MTCL3: variants seen among roughly 807,000 people sequenced by gnomAD.
The protein encoded by MTCL3 is MTCL family member 3, also known as microtubule cross-linking factor 3.
the MTCL3 span, among the ~76,000 whole-genome samples, chr6:127,510,151 A>G: frequency 6.6e-6 from 1 of 152,286 alleles, no homozygotes; most frequent in South Asian, 2.1e-4. Context: ...ATTACTTTAA[A>G]GGCTGATGTT....
chr6:127,493,967 T>C, the MTCL3 span, among the ~76,000 whole-genome samples: 1 of 152,180 alleles, frequency 6.6e-6, no homozygotes, highest in East Asian at 1.9e-4. Flanking sequence ...AATGAGTCAA[T>C]TTGTAGAGCA....
the MTCL3 span, chr6:127,514,836 T>C: frequency 6.2e-7 from 1 of 1,612,350 alleles, no homozygotes; most frequent in Non-Finnish European, 8.5e-7. Context: ...GAGGTCCTGC[T>C]CCAGGCTGCG....
the MTCL3 span, among the ~76,000 whole-genome samples, chr6:127,491,121 A>G: frequency 2.6e-4 from 40 of 152,244 alleles, no homozygotes; most frequent in Non-Finnish European, 5.1e-4. Flanking sequence ...TGTGAAGATG[A>G]TATGAACTTT....
At chr6:127,519,116 G>A in the MTCL3 span, 6 of 152,242 alleles carry the variant, frequency 3.9e-5, no homozygotes, top group African/African-American at 1.2e-4. Flanking sequence ...TGGAAGATTG[G>A]CAGCAGCGCT....
At chr6:127,485,159 G>A in the MTCL3 span, among the ~76,000 whole-genome samples, 787 of 152,278 alleles carry the variant, frequency 5.2e-3, 6 homozygotes, top group African/African-American at 0.018. Flanking sequence ...TCACTAAGGA[G>A]AAAGACTTTA....
the MTCL3 span, among the ~76,000 whole-genome samples, chr6:127,511,426 T>A: frequency 1.3e-5 from 2 of 152,182 alleles, no homozygotes; most frequent in African/African-American, 4.8e-5. Context: ...ATTAATTTCA[T>A]ATTTGATCTT....
At chr6:127,515,238 G>T in the MTCL3 span, among the ~76,000 whole-genome samples, 9 of 152,166 alleles carry the variant, frequency 5.9e-5, 1 homozygote, top group South Asian at 1.0e-3. This position sits in a 1 kb window ranked among gnomAD's most constrained non-coding sequence, Gnocchi z 4.3. Context: ...GCCCTCTCTC[G>T]TTCTCTTACT....
At chr6:127,481,016 T>C in the MTCL3 span, among the ~76,000 whole-genome samples, 20 of 152,184 alleles carry the variant, frequency 1.3e-4, no homozygotes, top group African/African-American at 4.1e-4. Flanking sequence ...GTAGATTGCA[T>C]AGCATCTTGA....
the MTCL3 span, chr6:127,476,097 C>T: frequency 1.9e-6 from 3 of 1,614,064 alleles, no homozygotes; most frequent in East Asian, 2.2e-5. This position sits in a 1 kb window ranked among gnomAD's most constrained non-coding sequence, Gnocchi z 4.4. Flanking sequence ...GCCGCAGCTC[C>T]GACAGGGATT....
the MTCL3 span, among the ~76,000 whole-genome samples, chr6:127,490,337 A>T: frequency 6.6e-6 from 1 of 152,194 alleles, no homozygotes; most frequent in Non-Finnish European, 1.5e-5. Flanking sequence ...TGTTCTTTTC[A>T]TGCCTGCTAA....
At chr6:127,516,178 G>C in the MTCL3 span, 1 of 1,433,726 alleles carries the variant, frequency 7.0e-7, no homozygotes, top group East Asian at 2.6e-5. Flanking sequence ...CTCCCGAGGC[G>C]GCTCCTCGGG....
chr6:127,507,842 C>CAAAAAAAAAAAAAAAAA, the MTCL3 span, among the ~76,000 whole-genome samples: 2 of 82,090 alleles, frequency 2.4e-5, no homozygotes, highest in African/African-American at 5.7e-5. Context: ...GACTATGTCT[C>CAAAAAAAAAAAAAAAAA]AAAAAAAAAA....
At chr6:127,475,565 C>T in the MTCL3 span, 1 of 1,609,560 alleles carries the variant, frequency 6.2e-7, no homozygotes, top group Non-Finnish European at 8.5e-7. The surrounding 1 kb of genome is among the most constrained non-coding windows in gnomAD (Gnocchi z 7.3). Flanking sequence ...CGCTCGGCCT[C>T]CGAGCGGATG....
chr6:127,480,591 T>C, the MTCL3 span, among the ~76,000 whole-genome samples: 1 of 152,160 alleles, frequency 6.6e-6, no homozygotes, highest in African/African-American at 2.4e-5. Context: ...AAAGGAGACA[T>C]GGGAGTATTT....
At chr6:127,484,161 T>C in the MTCL3 span, among the ~76,000 whole-genome samples, 1 of 152,192 alleles carries the variant, frequency 6.6e-6, no homozygotes, top group Non-Finnish European at 1.5e-5. Context: ...AACAGGAGTC[T>C]TCATAAATTC....
At chr6:127,517,334 G>A in the MTCL3 span, among the ~76,000 whole-genome samples, 1 of 152,152 alleles carries the variant, frequency 6.6e-6, no homozygotes, top group African/African-American at 2.4e-5. Flanking sequence ...AATAATGAAT[G>A]CCTTTAAATC....
the MTCL3 span, among the ~76,000 whole-genome samples, chr6:127,474,702 C>T: frequency 4.6e-5 from 7 of 152,244 alleles, no homozygotes; most frequent in South Asian, 4.2e-4. Flanking sequence ...CATCAGCCTC[C>T]GGAGTAGCTT....
the MTCL3 span, chr6:127,517,784 A>T: frequency 1.8e-4 from 28 of 152,292 alleles, no homozygotes; most frequent in East Asian, 5.4e-3. Flanking sequence ...ATAGCAAGTT[A>T]CTGCCTCATG....
the MTCL3 span, chr6:127,516,453 G>C: frequency 2.4e-5 from 39 of 1,599,882 alleles, no homozygotes; most frequent in East Asian, 7.4e-4. Context: ...GGGTGGCCGC[G>C]ATTGTCTGTC....
Sources: allele counts gnomAD v4.1 joint callset (sites outside exome capture counted in the v4.1 genomes callset), GRCh38; gene constraint gnomAD v4.1.1; non-coding constraint Gnocchi (gnomAD v3.1); transcripts MANE v1.5; gene names NCBI Gene and HGNC (gene_info 2026-07-23, HGNC 2026-07-21).